HMCN1: variants seen among roughly 807,000 people sequenced by gnomAD.
HMCN1 encodes the protein hemicentin 1, also known as hemicentin-1.
Under a neutral mutation model 625.9 loss-of-function variants are expected in HMCN1, and 321 were observed. The ratio of observed to expected loss-of-function variants is 0.51; its 90% CI spans 0.47 to 0.56. The LOEUF is 0.56. HMCN1 is among the 20% of genes least tolerant of loss of function. The pLI is 0.00. For synonymous variants in HMCN1, 2,425 were observed against 2,417.6 expected, an observed-to-expected ratio of 1.00 and a Z score of -0.09; for missense variants, 6,588 against 6,887.3, an observed-to-expected ratio of 0.96 and a Z score of 1.54.
chr1:185,744,625 G>T (rs1164957387), intron 1 of HMCN1, among the ~76,000 whole-genome samples: 1 of 152,188 alleles, frequency 6.6e-6, no homozygotes, highest in Non-Finnish European at 1.5e-5. Flanking sequence ...ACTATACTAT[G>T]CTACCTTTTA....
intron 36 of HMCN1, among the ~76,000 whole-genome samples, chr1:186,036,125 G>A (rs912444078): frequency 6.6e-6 from 1 of 152,024 alleles, no homozygotes; most frequent in Admixed American, 6.6e-5. Context: ...GTCAGAAATC[G>A]ATGTCAAATT....
intron 36 of HMCN1, among the ~76,000 whole-genome samples, chr1:186,033,379 A>G (rs1381043147): frequency 1.3e-5 from 2 of 152,120 alleles, no homozygotes; most frequent in Non-Finnish European, 2.9e-5. Context: ...TAAAATCTCA[A>G]ATCACCACTG....
rs920528901 is a variant in HMCN1 at position 185,893,316 on chromosome 1, C to T, written c.622-16021C>T. 4.6e-5 allele frequency among the ~76,000 whole-genome samples: 7 copies of T among 152,174 alleles called. No individual in the cohort carries two copies. The East Asian group carries it at 9.6e-4, about 21-fold the overall frequency. On this transcript the variant is annotated intron_variant, in intron 4 of 106. Coordinates refer to ENST00000271588, the MANE Select transcript of HMCN1 (RefSeq NM_031935.3). ...GCTGTAGACTGGAGCTGTTCCTATT[C>T]GGCCATCTTGGCTCCTCCACTTGGG...
At chr1:186,026,200 G>C (rs1375999037) in intron 36 of HMCN1, among the ~76,000 whole-genome samples, 3 of 152,162 alleles carry the variant, frequency 2.0e-5, no homozygotes, top group African/African-American at 7.2e-5. Flanking sequence ...AAAAATGTAG[G>C]AATTTCTAAG....
intron 81 of HMCN1, among the ~76,000 whole-genome samples, chr1:186,124,605 T>G (rs1034238738): frequency 9.9e-5 from 15 of 152,088 alleles, no homozygotes; most frequent in African/African-American, 3.1e-4. Flanking sequence ...TTTGTATCTA[T>G]AATTATTTAT....
At chr1:185,870,433 C>G (rs1363983698) in intron 4 of HMCN1, among the ~76,000 whole-genome samples, 1 of 152,170 alleles carries the variant, frequency 6.6e-6, no homozygotes, top group Non-Finnish European at 1.5e-5. Flanking sequence ...GCTTCCCTAT[C>G]CTTTTTCCCA....
At chr1:185,891,767 G>GT (rs1025167380) in intron 4 of HMCN1, among the ~76,000 whole-genome samples, 7 of 147,806 alleles carry the variant, frequency 4.7e-5, no homozygotes, top group African/African-American at 1.9e-4. Flanking sequence ...TTCAACTTTG[G>GT]TGAATCTGAC....
chr1:186,048,889 T>G (rs765278451), intron 42 of HMCN1, 50 bp downstream of exon 42: 8 of 1,125,248 alleles, frequency 7.1e-6, no homozygotes, highest in Non-Finnish European at 1.1e-5. Flanking sequence ...TGGTTTTTTG[T>G]GTCACTTAAA....
At chr1:185,911,548 T>A (rs1666420856) in intron 5 of HMCN1, 126 bp from the exon 6 acceptor site, 3 of 798,778 alleles carry the variant, frequency 3.8e-6, no homozygotes, top group Non-Finnish European at 6.7e-6. Context: ...CAGCACACTT[T>A]GGTAAAAAAT....
chr1:186,026,146 T>G (rs1401770341), intron 36 of HMCN1, among the ~76,000 whole-genome samples: 1 of 152,208 alleles, frequency 6.6e-6, no homozygotes, highest in Non-Finnish European at 1.5e-5. Context: ...CTCTGTCCTC[T>G]TCAATACTTG....
chr1:185,962,789 C>T (rs1650122334), intron 12 of HMCN1, 130 bp downstream of exon 12: 3 of 702,908 alleles, frequency 4.3e-6, no homozygotes, highest in Admixed American at 2.1e-5. Flanking sequence ...TTTACATTTT[C>T]TAAACAGGCT....
chr1:185,780,920 A>T (rs1258623860), intron 1 of HMCN1, among the ~76,000 whole-genome samples: 3 of 152,184 alleles, frequency 2.0e-5, no homozygotes. Context: ...TTCAGAAGGA[A>T]TGGTACCAGC....
intron 56 of HMCN1, among the ~76,000 whole-genome samples, chr1:186,081,596 T>C (rs1477321885): frequency 2.6e-5 from 4 of 152,210 alleles, no homozygotes; most frequent in Admixed American, 6.5e-5. Flanking sequence ...TTAATAGTTT[T>C]GTGTGGATTT....
At chr1:186,173,688 CA>C (rs1251619518) in intron 102 of HMCN1, among the ~76,000 whole-genome samples, 1 of 149,656 alleles carries the variant, frequency 6.7e-6, no homozygotes. Flanking sequence ...GCAGCCAACT[CA>C]GAGCATCATG....
intron 41 of HMCN1, among the ~76,000 whole-genome samples, chr1:186,047,462 T>G (rs762169274): frequency 6.6e-6 from 1 of 152,150 alleles, no homozygotes; most frequent in Non-Finnish European, 1.5e-5. Context: ...AAAACTTTTA[T>G]GGAACACAAT....
Position 185,896,122 on chromosome 1 carries a change from G to A in HMCN1, c.622-13215G>A, listed in dbSNP as rs564172436. On this transcript the variant is annotated intron_variant, in intron 4 of 106. Coordinates refer to ENST00000271588, the MANE Select transcript of HMCN1 (RefSeq NM_031935.3). ...GGCTAACTTTTTTATATTTTTAGTA[G>A]AGACAGGGTTTCACGGTGTTAGCCA... is the stretch of plus-strand genomic sequence containing the variant. Among the ~76,000 whole-genome samples the A allele has an allele frequency of 9.5e-4, 144 of 152,014 alleles. 1 individual carries two copies. Among genetic ancestry groups the A allele is most frequent in the African/African-American group, 3.4e-3 (139 of 41,486 alleles).
At chr1:186,119,126 C>G in intron 77 of HMCN1, 65 bp from the exon 78 acceptor site, 1 of 1,198,746 alleles carries the variant, frequency 8.3e-7, no homozygotes, top group Non-Finnish European at 1.2e-6. Context: ...AAAAGAGAGT[C>G]AAATTTTATT....
At chr1:186,125,901 A>C (rs1427387260) in intron 82 of HMCN1, 107 bp downstream of exon 82, 2 of 787,704 alleles carry the variant, frequency 2.5e-6, no homozygotes, top group Non-Finnish European at 4.0e-6. Context: ...TAAAAAAAAT[A>C]TTCTTGTAAA....
At chr1:185,943,616 A>G (rs1668191637) in intron 11 of HMCN1, among the ~76,000 whole-genome samples, 1 of 152,218 alleles carries the variant, frequency 6.6e-6, no homozygotes. Context: ...CTCTTCAGCC[A>G]TTACACCCTC....
Sources: allele counts gnomAD v4.1 joint callset (sites outside exome capture counted in the v4.1 genomes callset), GRCh38; gene constraint gnomAD v4.1.1; transcripts MANE v1.5; gene names NCBI Gene and HGNC (gene_info 2026-07-23, HGNC 2026-07-21).